Variants in XXYLT1 observed in about 807,000 individuals in gnomAD.
XXYLT1 encodes the protein xyloside xylosyltransferase 1.
Under a neutral mutation model 28.9 loss-of-function variants are expected in XXYLT1, and 20 were observed. The observed-to-expected ratio is 0.69, with a 90% CI of 0.49 to 1.00. The LOEUF (loss-of-function observed/expected upper bound fraction) is 1.00, where lower values mean the gene tolerates loss of function less well. Among genes scored for constraint, XXYLT1 ranks in the 50% least tolerant of loss-of-function variants. XXYLT1 has a pLI of 0.00. For missense variants in XXYLT1, 542 were observed against 560.1 expected, an observed-to-expected ratio of 0.97 and a Z score of 0.33; for synonymous variants, 257 against 253.8, an observed-to-expected ratio of 1.01 and a Z score of -0.12.
intron 2 of XXYLT1, among the ~76,000 whole-genome samples, chr3:195,159,153 A>G (rs1720747232): frequency 6.6e-6 from 1 of 152,268 alleles, no homozygotes; most frequent in Admixed American, 6.5e-5. Flanking sequence ...AGAAAAAGGA[A>G]GACTAGACAG....
chr3:195,171,028 T>C (rs182395106), intron 2 of XXYLT1, among the ~76,000 whole-genome samples: 1 of 152,206 alleles, frequency 6.6e-6, no homozygotes, highest in Non-Finnish European at 1.5e-5. Flanking sequence ...TTTAAATGAC[T>C]GTGTAAACCT....
At chr3:195,096,284 T>C (rs974794176) in intron 3 of XXYLT1, among the ~76,000 whole-genome samples, 1 of 152,106 alleles carries the variant, frequency 6.6e-6, no homozygotes, top group African/African-American at 2.4e-5. Context: ...AGCAGGAGGA[T>C]CTGTGTGGCC....
intron 2 of XXYLT1, among the ~76,000 whole-genome samples, chr3:195,158,190 T>A (rs1720701637): frequency 6.6e-6 from 1 of 152,060 alleles, no homozygotes; most frequent in Non-Finnish European, 1.5e-5. Context: ...CCATCTAAAC[T>A]CTACTTATTC....
intron 2 of XXYLT1, among the ~76,000 whole-genome samples, chr3:195,164,979 G>A (rs1721045412): frequency 6.6e-6 from 1 of 152,074 alleles, no homozygotes; most frequent in Non-Finnish European, 1.5e-5. Flanking sequence ...GGGAGAGTCT[G>A]TATTTCCAGT....
intron 3 of XXYLT1, among the ~76,000 whole-genome samples, chr3:195,101,279 T>C (rs1716759198): frequency 6.6e-6 from 1 of 152,274 alleles, no homozygotes; most frequent in South Asian, 2.1e-4. Context: ...GAACATGTAC[T>C]AGTTAATTAA....
chr3:195,216,655 T>C (rs1159280441), intron 2 of XXYLT1, among the ~76,000 whole-genome samples: 7 of 150,624 alleles, frequency 4.6e-5, no homozygotes, highest in African/African-American at 1.7e-4. Flanking sequence ...GGAGCTGAAA[T>C]TGTGGCAATA....
At chr3:195,125,627 C>T (rs1044880032) in intron 3 of XXYLT1, among the ~76,000 whole-genome samples, 10 of 152,224 alleles carry the variant, frequency 6.6e-5, no homozygotes, top group Non-Finnish European at 1.2e-4. Context: ...AACTCAAGCT[C>T]AATCAATCCC....
intron 2 of XXYLT1, among the ~76,000 whole-genome samples, chr3:195,170,858 T>C (rs1721370325): frequency 6.6e-6 from 1 of 151,430 alleles, no homozygotes; most frequent in Non-Finnish European, 1.5e-5. Context: ...GCCTGGGCAA[T>C]GTAGTGAAAC....
chr3:195,100,232 C>T lies in XXYLT1; in HGVS notation c.786-30121G>A, dbSNP rs552461214. On this transcript the variant is annotated intron_variant, in intron 3 of 3. Transcript: ENST00000310380. The stretch of plus-strand genomic sequence containing the variant: ...TTATTCATCCTCTGTGGATGTCTGA[C>T]GGCCAGATGGACAGGGCTGGTTTCC... 8.5e-5 allele frequency among the ~76,000 whole-genome samples: 13 copies of T among 152,284 alleles called. No individual in the cohort carries two copies. In the South Asian group the frequency reaches 1.0e-3, roughly 12 times the overall value.
chr3:195,086,926 CATG>C lies in XXYLT1; in HGVS notation c.786-16818_786-16816del, dbSNP rs546398019. Reference sequence around the variant, plus strand: ...TGTTCTAATCATGATCAGTGACTTGCATGATGACACTGGCCAGGCCCCTCCCCG... The same window carrying C: ...TGTTCTAATCATGATCAGTGACTTGCATGACACTGGCCAGGCCCCTCCCCG... On this transcript the variant is annotated intron_variant, in intron 3 of 3. Transcript: ENST00000310380. 1.6e-3 allele frequency among the ~76,000 whole-genome samples: 239 copies of C among 152,226 alleles called. 2 individuals are homozygous for C. Among genetic ancestry groups the C allele is most frequent in the East Asian group, 0.015 (78 of 5,148 alleles).
In XXYLT1 at chr3:195,133,652, G is replaced by C. The variant is rs766095948; in HGVS notation, c.785+22797C>G. Among the ~76,000 whole-genome samples the C allele has an allele frequency of 1.3e-5, 2 of 152,166 alleles. No individual in the cohort carries two copies. The highest frequency in any genetic ancestry group is 2.9e-5 in the Non-Finnish European group (2 of 68,034). On this transcript the variant is annotated intron_variant, in intron 3 of 3. Transcript: ENST00000310380. This position sits in a 1 kb window ranked among gnomAD's most constrained non-coding sequence, Gnocchi z 4.4. ...AAACGCTCCCAGATGCACACTCTCGGCAACTTGTTGCCATGCAGCATTGTA... is the reference window on the plus strand; with the variant it reads ...AAACGCTCCCAGATGCACACTCTCGCCAACTTGTTGCCATGCAGCATTGTA...
At position 195,110,586 on chromosome 3, in the gene XXYLT1, ATGTGTGTGTGTGC is replaced by A. The variant is rs1717597754; in HGVS notation, c.786-40488_786-40476del. On this transcript the variant is annotated intron_variant, in intron 3 of 3. Transcript: ENST00000310380. ...ATGTATGTGGTGTGTTGTGTGGTGTATGTGTGTGTGTGCTGTATGTGTGCATGTGTGTGGTGTG... is the reference window on the plus strand; with the variant it reads ...ATGTATGTGGTGTGTTGTGTGGTGTATGTATGTGTGCATGTGTGTGGTGTG... 2.6e-4 allele frequency among the ~76,000 whole-genome samples: 5 copies of A among 19,522 alleles called. 2 individuals carry two copies. Among genetic ancestry groups the A allele is most frequent in the Non-Finnish European group, 4.8e-4 (4 of 8,394 alleles). 12.8% of individuals were successfully genotyped at this position (19,522 alleles called of 152,430 possible). A position where few individuals can be genotyped will look rare whatever the true frequency, so the allele number is the denominator to read the frequency against.
Position 195,115,734 on chromosome 3 carries a change from C to A in XXYLT1, c.785+40715G>T, listed in dbSNP as rs529284940. Among the ~76,000 whole-genome samples the A allele has an allele frequency of 7.4e-5, 11 of 149,642 alleles. No individual in the cohort carries two copies. Among genetic ancestry groups the A allele is most frequent in the African/African-American group, 2.7e-4 (11 of 40,618 alleles). On this transcript the variant is annotated intron_variant, in intron 3 of 3. Coordinates refer to ENST00000310380, the MANE Select transcript of XXYLT1 (RefSeq NM_152531.5). The surrounding 1 kb of genome is among the most constrained non-coding windows in gnomAD (Gnocchi z 4.2). ...ACCTTTGAGCTGAGGTGTTCACGTC[C>A]GAGGTGGAGGAAGGAGGGCGGCAGG...
At chr3:195,165,278 A>G (rs554224333) in intron 2 of XXYLT1, among the ~76,000 whole-genome samples, 1 of 152,252 alleles carries the variant, frequency 6.6e-6, no homozygotes, top group Non-Finnish European at 1.5e-5. Flanking sequence ...CGCAGGCTAC[A>G]GGGTTTCCTC....
At chr3:195,156,923 T>C (rs1189287699) in intron 2 of XXYLT1, among the ~76,000 whole-genome samples, 1 of 152,132 alleles carries the variant, frequency 6.6e-6, no homozygotes, top group Non-Finnish European at 1.5e-5. Context: ...GGATGATACC[T>C]TATGTGGACA....
intron 2 of XXYLT1, among the ~76,000 whole-genome samples, chr3:195,208,853 C>G (rs970434306): frequency 2.0e-5 from 3 of 152,084 alleles, no homozygotes; most frequent in African/African-American, 7.2e-5. Context: ...GCGAGGGCCA[C>G]GACACCCAGC....
intron 1 of XXYLT1, among the ~76,000 whole-genome samples, chr3:195,265,887 C>A (rs1437310922): frequency 6.6e-6 from 1 of 152,172 alleles, no homozygotes; most frequent in African/African-American, 2.4e-5. Flanking sequence ...GAAATGCCTA[C>A]CTCTGGACTG....
intron 1 of XXYLT1, among the ~76,000 whole-genome samples, chr3:195,263,629 A>C (rs1425840589): frequency 6.6e-6 from 1 of 152,174 alleles, no homozygotes. Flanking sequence ...CCTCAAGCTA[A>C]ATAAATATCT....
At chr3:195,107,601 A>C in intron 3 of XXYLT1, among the ~76,000 whole-genome samples, 1 of 14,182 alleles carries the variant, frequency 7.1e-5, no homozygotes, top group African/African-American at 2.7e-4. Flanking sequence ...GAGGAGGGGG[A>C]GGAGGAAGGG....
Sources: allele counts gnomAD v4.1 joint callset (sites outside exome capture counted in the v4.1 genomes callset), GRCh38; gene constraint gnomAD v4.1.1; non-coding constraint Gnocchi (gnomAD v3.1); transcripts MANE v1.5; gene names NCBI Gene and HGNC (gene_info 2026-07-23, HGNC 2026-07-21).